Variants in PLG observed in about 807,000 individuals in gnomAD.
PLG encodes the protein plasmin.
PLG carries 41 observed loss-of-function variants against 104.4 expected under a neutral mutation model. The observed-to-expected ratio is 0.39, with a 90% CI of 0.31 to 0.51. The LOEUF is 0.51. PLG is among the 20% of genes least tolerant of loss of function. The pLI is 0.76. For synonymous variants in PLG, 337 were observed against 357.1 expected, an observed-to-expected ratio of 0.94 and a Z score of 0.63; for missense variants, 891 against 1,003.6, an observed-to-expected ratio of 0.89 and a Z score of 1.52.
chr6:160,751,581 G>A (rs1778400601), intron 17 of PLG, among the ~76,000 whole-genome samples: 1 of 152,140 alleles, frequency 6.6e-6, no homozygotes, highest in Non-Finnish European at 1.5e-5. Context: ...TCACAATCAT[G>A]TGCAACCATC....
At chr6:160,730,926 G>A (rs1582943854) in intron 10 of PLG, 125 bp from the exon 11 acceptor site, 1 of 885,168 alleles carries the variant, frequency 1.1e-6, no homozygotes, top group Non-Finnish European at 1.8e-6. Flanking sequence ...CAACATTATT[G>A]TACCTATAAT....
At chr6:160,742,210 G>T (rs1778208386) in intron 17 of PLG, among the ~76,000 whole-genome samples, 1 of 152,122 alleles carries the variant, frequency 6.6e-6, no homozygotes, top group African/African-American at 2.4e-5. Flanking sequence ...AGTTAGTTCT[G>T]CTTTTAGCTC....
intron 9 of PLG, among the ~76,000 whole-genome samples, chr6:160,720,410 C>T (rs796603983): frequency 4.0e-3 from 234 of 58,496 alleles, no homozygotes; most frequent in Middle Eastern, 0.018. Context: ...CTTTTCTTTT[C>T]TTTTTTTTTT....
At position 160,736,129 on chromosome 6, in the gene PLG, C is replaced by A. The variant is rs1033677596; in HGVS notation, c.1682-758C>A. Among the ~76,000 whole-genome samples, 1 of 152,196 alleles carries A rather than the reference C, an allele frequency of 6.6e-6. No homozygotes were observed. Among genetic ancestry groups the A allele is most frequent in the African/African-American group, 2.4e-5 (1 of 41,454 alleles). On this transcript the variant is annotated intron_variant, in intron 13 of 18. Coordinates refer to ENST00000308192, the MANE Select transcript of PLG (RefSeq NM_000301.5). This position sits in a 1 kb window ranked among gnomAD's most constrained non-coding sequence, Gnocchi z 5.2. ...CAACAGAGAAGCATTTTTGAATACC[C>A]TCTGCAGCCCCTGCACTGTTGTAGG...
At position 160,748,402 on chromosome 6, in the gene PLG, AAGAAAGAAAGAAAGG is replaced by A. The variant is rs1778326574; in HGVS notation, c.2126-3712_2126-3698del. 3.7e-4 allele frequency among the ~76,000 whole-genome samples: 7 copies of A among 18,674 alleles called. 1 individual carries two copies. Among genetic ancestry groups the A allele is most frequent in the Admixed American group, 8.1e-4 (1 of 1,228 alleles). The allele number at this position is 18,674 out of a possible 152,430, so 12.3% of individuals were successfully genotyped here. The stretch of plus-strand genomic sequence containing the variant: ...AAAGAAAGAAAGAAAGAAAGAAAGG[AAGAAAGAAAGAAAGG>A]GAAAGAAAGAGAACGAAAGAAAGAA... On this transcript the variant is annotated intron_variant, in intron 17 of 18. Transcript: ENST00000308192.
chr6:160,727,824 C>T (rs1040057433), intron 10 of PLG, among the ~76,000 whole-genome samples: 1 of 151,942 alleles, frequency 6.6e-6, no homozygotes, highest in African/African-American at 2.4e-5. Flanking sequence ...ATAACATCAA[C>T]TTAATGGTGA....
rs1778060173 is a variant in PLG, at chr6:160,734,848, C to A, written c.1681+760C>A. Among the ~76,000 whole-genome samples, 1 of 151,740 alleles carries A rather than the reference C, an allele frequency of 6.6e-6. No individual in the cohort carries two copies. The highest frequency in any genetic ancestry group is 2.1e-4 in the South Asian group (1 of 4,802). ...CCTAGTTACAGAAAACCACCCTGGA[C>A]TTCTCCTATGCATAATTTGGTTGCT... On this transcript the variant is annotated intron_variant, in intron 13 of 18. Coordinates refer to ENST00000308192, the MANE Select transcript of PLG (RefSeq NM_000301.5). This position sits in a 1 kb window ranked among gnomAD's most constrained non-coding sequence, Gnocchi z 4.4.
At position 160,748,370 on chromosome 6, in the gene PLG, A is replaced by AAGAAAGAGAGAGAGAG. The variant is rs1554252953; in HGVS notation, c.2126-3738_2126-3737insGAGAGAGAGAGAAAGA. Among the ~76,000 whole-genome samples, 10 of 41,442 alleles carry AAGAAAGAGAGAGAGAG rather than the reference A, an allele frequency of 2.4e-4. 2 individuals carry two copies. The highest frequency in any genetic ancestry group is 1.8e-3 in the Admixed American group (5 of 2,834). 27.2% of individuals were successfully genotyped at this position (41,442 alleles called of 152,430 possible). ...AGAAAGAGAAAGAAAGAAAGAAAGA[A>AAGAAAGAGAGAGAGAG]AGAAAGAAAGAAAGAAAGAAAGAAA... On this transcript the variant is annotated intron_variant, in intron 17 of 18. Transcript: ENST00000308192.
chr6:160,738,610 G>C lies in PLG; in HGVS notation c.1875G>C (p.Glu625Asp). 6.3e-7 allele frequency: 1 copy of C among 1,598,176 alleles called. No individual in the cohort carries two copies. The change falls in exon 15 of 19, where the codon GAG (glutamate) becomes GAC (aspartate). Residue 625 changes from glutamate to aspartate, a missense_variant and splice_region_variant. By Grantham distance (45) the Glu-to-Asp change is conservative. Coordinates refer to ENST00000308192, the MANE Select transcript of PLG (RefSeq NM_000301.5). The surrounding 1 kb of genome is among the most constrained non-coding windows in gnomAD (Gnocchi z 6.8). ...TGTTGACTGCTGCCCACTGCTTGGA[G>C]AAGTATGTTTAGGGGACAATTGACA... The part of the protein sequence containing the change: ...EWVLTAAHCL[E>D]KSPRPSSYKV...
intron 9 of PLG, among the ~76,000 whole-genome samples, chr6:160,721,007 C>G (rs1777819816): frequency 6.6e-6 from 1 of 152,088 alleles, no homozygotes. Flanking sequence ...CTCCTCAGCC[C>G]ATTGAGAGAA....
At chr6:160,707,941 G>C (rs1469739658) in intron 3 of PLG, 135 bp downstream of exon 3, 1 of 782,526 alleles carries the variant, frequency 1.3e-6, no homozygotes, top group African/African-American at 1.7e-5. Context: ...TTCTGAGTTA[G>C]GACAGGATTT....
chr6:160,709,381 G>A (rs1484196237), intron 3 of PLG, among the ~76,000 whole-genome samples: 1 of 152,156 alleles, frequency 6.6e-6, no homozygotes, highest in Admixed American at 6.5e-5. Flanking sequence ...ACTTGTAGCT[G>A]TACACATGAT....
At position 160,738,164 on chromosome 6, in the gene PLG, C is replaced by T. The variant is rs1443530959; in HGVS notation, c.1803-374C>T. Reference sequence around the variant, plus strand: ...GTGATTCATCAGACCTTACATAGATCTTGTCATAAAAATGAAAGAGGCCTC... The same window carrying T: ...GTGATTCATCAGACCTTACATAGATTTTGTCATAAAAATGAAAGAGGCCTC... On this transcript the variant is annotated intron_variant, in intron 14 of 18. Coordinates refer to ENST00000308192, the MANE Select transcript of PLG (RefSeq NM_000301.5). The surrounding 1 kb of genome is among the most constrained non-coding windows in gnomAD (Gnocchi z 6.8). Among the ~76,000 whole-genome samples the T allele has an allele frequency of 6.6e-6, 1 of 152,208 alleles. No individual in the cohort carries two copies. The highest frequency in any genetic ancestry group is 1.5e-5 in the Non-Finnish European group (1 of 68,046).
At position 160,720,395 on chromosome 6, in the gene PLG, TTTTTC is replaced by T. The variant is rs1436054111; in HGVS notation, c.1096+1572_1096+1576del. Among the ~76,000 whole-genome samples the T allele has an allele frequency of 6.2e-3, 883 of 142,502 alleles. 26 individuals are homozygous for T. The highest frequency in any genetic ancestry group is 0.058 in the Middle Eastern group (13 of 224). 93.5% of individuals were successfully genotyped at this position (142,502 alleles called of 152,430 possible). A position where few individuals can be genotyped will look rare whatever the true frequency, so the allele number is the denominator to read the frequency against. Reference sequence around the variant, plus strand: ...GATTGTTGATTTTTTTCTTTTCTCTTTTTTCTTTTCTTTTCTTTTTTTTTTTTTTT... The same window carrying T: ...GATTGTTGATTTTTTTCTTTTCTCTTTTTTCTTTTCTTTTTTTTTTTTTTT... On this transcript the variant is annotated intron_variant, in intron 9 of 18. Coordinates refer to ENST00000308192, the MANE Select transcript of PLG (RefSeq NM_000301.5).
chr6:160,728,498 A>C (rs1201133180), intron 10 of PLG, among the ~76,000 whole-genome samples: 1 of 152,108 alleles, frequency 6.6e-6, no homozygotes, highest in East Asian at 1.9e-4. Flanking sequence ...TTACTTACCC[A>C]AAGGTAAAGA....
chr6:160,748,404 G>GAAAGAAAGAAAGAAAGAA (rs1554252976), intron 17 of PLG, among the ~76,000 whole-genome samples: 2 of 59,964 alleles, frequency 3.3e-5, no homozygotes, highest in Non-Finnish European at 6.3e-5. Context: ...AAGAAAGGAA[G>GAAAGAAAGAAAGAAAGAA]AAAGAAAGAA....
At position 160,719,436 on chromosome 6, in the gene PLG, T is replaced by C. The variant is rs907307005; in HGVS notation, c.1096+598T>C. On this transcript the variant is annotated intron_variant, in intron 9 of 18. Transcript: ENST00000308192. This position sits in a 1 kb window ranked among gnomAD's most constrained non-coding sequence, Gnocchi z 4.1. ...TCTATTTTCACTAGTATTTGTGTGA[T>C]ATATCTTTTAAATTTGTATGATATA... Among the ~76,000 whole-genome samples the C allele has an allele frequency of 6.6e-6, 1 of 152,192 alleles. No individual in the cohort carries two copies. The highest frequency in any genetic ancestry group is 1.5e-5 in the Non-Finnish European group (1 of 68,014).
In PLG at chr6:160,731,802, G is replaced by T. The variant is rs1457215139; in HGVS notation, c.1496G>T (p.Gly499Val). ...YRGKRATTVTGTPCQDWAAQE... is the reference protein window; with the variant it reads ...YRGKRATTVTVTPCQDWAAQE... The stretch of plus-strand genomic sequence containing the variant: ...GGCAAGAGGGCGACCACTGTTACTG[G>T]GACGCCATGCCAGGACTGGGCTGCC... The change falls in exon 12 of 19, where the codon GGG becomes GTG. Residue 499 changes from glycine to valine, a missense_variant. By Grantham distance (109) the Gly-to-Val change is moderately radical. Coordinates refer to ENST00000308192, the MANE Select transcript of PLG (RefSeq NM_000301.5). The surrounding 1 kb of genome is among the most constrained non-coding windows in gnomAD (Gnocchi z 5.1). 2 of 1,613,952 alleles carry T rather than the reference G, an allele frequency of 1.2e-6. No homozygotes were observed. The highest frequency in any genetic ancestry group is 1.7e-6 in the Non-Finnish European group (2 of 1,179,882).
Position 160,752,038 on chromosome 6 carries a change from C to T in PLG, c.2126-77C>T, listed in dbSNP as rs1778410238. On this transcript the variant is annotated intron_variant, in intron 17 of 18. Transcript: ENST00000308192. This position sits in a 1 kb window ranked among gnomAD's most constrained non-coding sequence, Gnocchi z 4.7. ...AGCCTCACAGACAGGAGGTCCAGTG[C>T]CGCTGCTCTGTTCTGGAATATCCTC... is the stretch of plus-strand genomic sequence containing the variant. The T allele has an allele frequency of 3.1e-6, 4 of 1,306,444 alleles. No homozygotes were observed. The highest frequency in any genetic ancestry group is 1.7e-5 in the Admixed American group (1 of 59,534). The allele number at this position is 1,306,444 out of a possible 1,614,324, so 80.9% of individuals were successfully genotyped here. A position where few individuals can be genotyped will look rare whatever the true frequency, so the allele number is the denominator to read the frequency against.
Sources: gnomAD v4.1 joint callset for allele counts (sites outside exome capture counted in the v4.1 genomes callset) on GRCh38, gnomAD v4.1.1 for gene constraint, Gnocchi (gnomAD v3.1) non-coding constraint, MANE v1.5 for transcripts, NCBI Gene and HGNC (gene_info 2026-07-23, HGNC 2026-07-21) for gene names.